Variants in PTPRM observed in about 807,000 individuals in gnomAD.
PTPRM encodes the protein protein tyrosine phosphatase receptor type M.
In PTPRM, 47 loss-of-function variants were observed where a neutral mutation model predicts 186.7. That is an observed-to-expected ratio of 0.25 (90% CI 0.20 to 0.32). The LOEUF is 0.32. Among genes scored for constraint, PTPRM ranks in the 10% least tolerant of loss-of-function variants. PTPRM has a pLI of 1.00. For missense variants in PTPRM, 1,494 were observed against 1,865.0 expected, an observed-to-expected ratio of 0.80 and a Z score of 3.66; for synonymous variants, 668 against 674.9, an observed-to-expected ratio of 0.99 and a Z score of 0.16.
At chr18:8,288,196 G>T (rs975164766) in intron 19 of PTPRM, among the ~76,000 whole-genome samples, 1 of 152,224 alleles carries the variant, frequency 6.6e-6, no homozygotes, top group African/African-American at 2.4e-5. Flanking sequence ...ATCTGGAAAT[G>T]CAGGCTTTGA....
chr18:7,887,299 A>G, intron 2 of PTPRM, among the ~76,000 whole-genome samples: 1 of 152,174 alleles, frequency 6.6e-6, no homozygotes, highest in Non-Finnish European at 1.5e-5. Context: ...ATCCATCTGG[A>G]AGCTCCTCAA....
intron 14 of PTPRM, among the ~76,000 whole-genome samples, chr18:8,212,877 C>G (rs1024880441): frequency 6.6e-6 from 1 of 152,174 alleles, no homozygotes; most frequent in African/African-American, 2.4e-5. Flanking sequence ...TCCCCCTACC[C>G]ACCACCCGTC....
chr18:8,069,629 C>A, intron 7 of PTPRM, 57 bp from the exon 8 acceptor site: 1 of 1,456,376 alleles, frequency 6.9e-7, no homozygotes, highest in Non-Finnish European at 9.4e-7. Flanking sequence ...TTGGGATTGA[C>A]CTGAGCCTTT....
chr18:8,111,450 A>C lies in PTPRM; in HGVS notation c.1857-2036A>C, dbSNP rs546855367. 3.8e-4 allele frequency among the ~76,000 whole-genome samples: 58 copies of C among 152,228 alleles called. 1 individual carries two copies. ...CGGTGAAACCCCGTCTCTACTAAAAATACAAAAACAAAATTAGCCGGGTGT... is the reference window on the plus strand; with the variant it reads ...CGGTGAAACCCCGTCTCTACTAAAACTACAAAAACAAAATTAGCCGGGTGT... On this transcript the variant is annotated intron_variant, in intron 11 of 32. Coordinates refer to ENST00000580170, the MANE Select transcript of PTPRM (RefSeq NM_001105244.2).
chr18:7,946,556 T>A (rs1222681399), intron 5 of PTPRM, among the ~76,000 whole-genome samples: 1 of 152,150 alleles, frequency 6.6e-6, no homozygotes, highest in Non-Finnish European at 1.5e-5. Flanking sequence ...TGGGGTGGGG[T>A]GAGAATCAGA....
At chr18:8,289,411 T>C (rs1056728696) in intron 19 of PTPRM, among the ~76,000 whole-genome samples, 25 of 136,554 alleles carry the variant, frequency 1.8e-4, no homozygotes, top group Admixed American at 6.8e-4. Context: ...TATATATATA[T>C]ACACATATAT....
chr18:7,828,237 T>TAA, intron 2 of PTPRM, among the ~76,000 whole-genome samples: 1 of 151,830 alleles, frequency 6.6e-6, no homozygotes, highest in Admixed American at 6.6e-5. Flanking sequence ...TTTTTTTTCT[T>TAA]TTTTTATTTT....
At chr18:7,760,092 A>C (rs1165097112) in intron 1 of PTPRM, among the ~76,000 whole-genome samples, 1 of 152,128 alleles carries the variant, frequency 6.6e-6, no homozygotes, top group Non-Finnish European at 1.5e-5. Flanking sequence ...ACTGATCTTC[A>C]TATCAGTAGG....
At chr18:8,070,737 A>G (rs957720074) in intron 8 of PTPRM, among the ~76,000 whole-genome samples, 18 of 152,224 alleles carry the variant, frequency 1.2e-4, no homozygotes, top group Non-Finnish European at 2.2e-4. Context: ...TAGTACATAA[A>G]ATACAATGGT....
chr18:7,630,576 A>G (rs911808540), intron 1 of PTPRM, among the ~76,000 whole-genome samples: 1 of 152,348 alleles, frequency 6.6e-6, no homozygotes, highest in African/African-American at 2.4e-5. Context: ...CATTTTTAAA[A>G]GATGGAGTAG....
intron 5 of PTPRM, among the ~76,000 whole-genome samples, chr18:7,932,690 G>A (rs529659200): frequency 6.6e-6 from 1 of 152,128 alleles, no homozygotes; most frequent in South Asian, 2.1e-4. Flanking sequence ...GTTAAATTTA[G>A]AACCTTAAAA....
At chr18:7,884,923 T>C (rs1187247409) in intron 2 of PTPRM, among the ~76,000 whole-genome samples, 1 of 4,712 alleles carries the variant, frequency 2.1e-4, no homozygotes, top group East Asian at 0.022. Context: ...AAGCTCCATC[T>C]CAAAAAAAAA....
At chr18:8,307,823 T>TA (rs368581019) in intron 20 of PTPRM, among the ~76,000 whole-genome samples, 2 of 149,840 alleles carry the variant, frequency 1.3e-5, no homozygotes, top group Admixed American at 6.6e-5. Context: ...AAAATAAAAA[T>TA]AAAAAAAAGA....
At chr18:7,717,958 G>A (rs2040373235) in intron 1 of PTPRM, among the ~76,000 whole-genome samples, 1 of 152,154 alleles carries the variant, frequency 6.6e-6, no homozygotes, top group African/African-American at 2.4e-5. Flanking sequence ...AGTTGAGAGT[G>A]GCGGGCTAAG....
At chr18:8,138,687 A>G (rs2092694775) in intron 13 of PTPRM, among the ~76,000 whole-genome samples, 1 of 152,072 alleles carries the variant, frequency 6.6e-6, no homozygotes. Flanking sequence ...CTCTGGGTGA[A>G]ACATCAGCCC....
intron 2 of PTPRM, among the ~76,000 whole-genome samples, chr18:7,838,346 C>T (rs1051869365): frequency 2.0e-5 from 3 of 152,164 alleles, no homozygotes; most frequent in Non-Finnish European, 4.4e-5. Flanking sequence ...GACCCTCCCA[C>T]GACATGTGGG....
At chr18:8,340,414 A>G (rs1292490803) in intron 22 of PTPRM, among the ~76,000 whole-genome samples, 2 of 152,196 alleles carry the variant, frequency 1.3e-5, no homozygotes, top group African/African-American at 2.4e-5. Context: ...GCGTAGGTCA[A>G]TGGATAAGAA....
At chr18:8,287,158 TAG>T (rs2094966255) in intron 19 of PTPRM, among the ~76,000 whole-genome samples, 1 of 151,534 alleles carries the variant, frequency 6.6e-6, no homozygotes, top group African/African-American at 2.4e-5. Context: ...AAATACTATA[TAG>T]AGTCAGTGAA....
At chr18:7,695,927 C>T (rs2039834083) in intron 1 of PTPRM, among the ~76,000 whole-genome samples, 1 of 152,178 alleles carries the variant, frequency 6.6e-6, no homozygotes. Flanking sequence ...AAAATTTATT[C>T]TTTCGAAAGT....
Sources: allele counts gnomAD v4.1 joint callset (sites outside exome capture counted in the v4.1 genomes callset), GRCh38; gene constraint gnomAD v4.1.1; transcripts MANE v1.5; gene names NCBI Gene and HGNC (gene_info 2026-07-23, HGNC 2026-07-21).